Variants in FANCD2OS observed in about 807,000 individuals in gnomAD.
FANCD2OS encodes FANCD2 opposite strand.
FANCD2OS carries 11 observed loss-of-function variants against 13.2 expected under a neutral mutation model. The ratio of observed to expected loss-of-function variants is 0.83; its 90% CI spans 0.52 to 1.38. The LOEUF (loss-of-function observed/expected upper bound fraction) is 1.38, where lower values mean the gene tolerates loss of function less well. Among genes scored for constraint, FANCD2OS ranks in the 40% most tolerant of loss-of-function variants. FANCD2OS has a pLI of 0.00. For missense variants in FANCD2OS, 217 were observed against 213.9 expected (o/e 1.01, Z -0.09); for synonymous variants, 69 against 84.5 (o/e 0.82, Z 1.01).
intron 2 of FANCD2OS, chr3:10,096,602 G>A: frequency 1.2e-6 from 1 of 849,288 alleles, no homozygotes; most frequent in African/African-American, 1.7e-5. Flanking sequence ...GTCTGTGACT[G>A]TTTAACTCTT....
intron 2 of FANCD2OS, chr3:10,088,931 A>G: frequency 6.2e-7 from 1 of 1,613,870 alleles, no homozygotes; most frequent in East Asian, 2.2e-5. Context: ...ATCTTCCTCC[A>G]CATTCCCTAC....
chr3:10,089,117 C>T (rs1021248225), intron 2 of FANCD2OS, among the ~76,000 whole-genome samples: 1 of 151,856 alleles, frequency 6.6e-6, no homozygotes, highest in Admixed American at 6.6e-5. Flanking sequence ...AAACCCTGTC[C>T]CTACTAAAAA....
At chr3:10,089,285 C>CA (rs762191428) in intron 2 of FANCD2OS, among the ~76,000 whole-genome samples, 5,613 of 141,094 alleles carry the variant, frequency 0.04, 122 homozygotes, top group Non-Finnish European at 0.056. Flanking sequence ...AACTCCATCT[C>CA]AAAAAAAAAA....
intron 2 of FANCD2OS, chr3:10,096,508 T>G: frequency 1.2e-6 from 2 of 1,605,294 alleles, no homozygotes; most frequent in Admixed American, 1.7e-5. Flanking sequence ...AATCCCCTAC[T>G]CTTATTCTTT....
chr3:10,087,944 GC>G (rs1281216138), intron 2 of FANCD2OS, among the ~76,000 whole-genome samples: 5 of 152,192 alleles, frequency 3.3e-5, no homozygotes, highest in Non-Finnish European at 7.4e-5. Context: ...ACTGTGCCCA[GC>G]CCTGGCCTCT....
At chr3:10,093,911 A>G (rs1438817415) in intron 2 of FANCD2OS, among the ~76,000 whole-genome samples, 1 of 152,136 alleles carries the variant, frequency 6.6e-6, no homozygotes, top group Non-Finnish European at 1.5e-5. Context: ...GAGAGGAGTC[A>G]TTTATCTGAT....
rs764296912 is a variant in FANCD2OS at position 10,088,407 on chromosome 3, A to C, written c.*44-6876T>G. ...AAACCTGAAAAGCAAGAATGAGGTC[A>C]AGTTCCCATATGTAAGATTCCTTTG... On this transcript the variant is annotated intron_variant, in intron 2 of 2. Transcript: ENST00000524279. 4.2e-6 allele frequency: 5 copies of C among 1,177,772 alleles called. No individual in the cohort carries two copies. In the South Asian group the frequency reaches 4.9e-5, roughly 11 times the overall value. 73.0% of individuals were successfully genotyped at this position (1,177,772 alleles called of 1,614,324 possible).
At chr3:10,103,910 C>T (rs1695396126), downstream of FANCD2OS, 1 of 231,760 alleles carries the variant, frequency 4.3e-6, no homozygotes, top group African/African-American at 2.3e-5. Context: ...CCTTTTCCCC[C>T]CAATTCATTG....
downstream of FANCD2OS, chr3:10,101,910 A>G (rs1695318576): frequency 5.5e-6 from 1 of 183,170 alleles, no homozygotes; most frequent in African/African-American, 2.4e-5. Flanking sequence ...CAATTTTACA[A>G]ATAAATTCTG....
chr3:10,101,041 C>A, downstream of FANCD2OS: 1 of 598,192 alleles, frequency 1.7e-6, no homozygotes, highest in Non-Finnish European at 3.0e-6. Context: ...TGCATTCCAG[C>A]CTGGTGACAG....
intron 2 of FANCD2OS, among the ~76,000 whole-genome samples, chr3:10,092,447 TTTCC>T (rs2125086852): frequency 6.6e-6 from 1 of 151,940 alleles, no homozygotes; most frequent in East Asian, 1.9e-4. Flanking sequence ...TTTTTTGTCT[TTTCC>T]TTCCTTCCTC....
chr3:10,107,893 A>G (rs1159227416), intron 1 of FANCD2OS, 122 bp downstream of exon 1: 1 of 152,222 alleles, frequency 6.6e-6, no homozygotes, highest in Non-Finnish European at 1.5e-5. Flanking sequence ...TTGAACCTAC[A>G]AAGTCTGCTC....
chr3:10,094,151 T>G, intron 2 of FANCD2OS: 1 of 701,494 alleles, frequency 1.4e-6, no homozygotes, highest in Non-Finnish European at 2.5e-6. Context: ...CAAATAAACC[T>G]TTTGGACCCT....
chr3:10,087,086 A>G (rs1393721686), intron 2 of FANCD2OS: 2 of 1,606,440 alleles, frequency 1.2e-6, no homozygotes, highest in Non-Finnish European at 1.7e-6. Context: ...TATATCTGTG[A>G]CACATAGGAT....
chr3:10,095,691 C>A (rs1694912020), intron 2 of FANCD2OS, among the ~76,000 whole-genome samples: 1 of 152,184 alleles, frequency 6.6e-6, no homozygotes, highest in Admixed American at 6.5e-5. Flanking sequence ...CTTATGAGAA[C>A]ATCTTAGCAT....
downstream of FANCD2OS, among the ~76,000 whole-genome samples, chr3:10,100,480 T>G (rs963365169): frequency 1.3e-5 from 2 of 152,194 alleles, no homozygotes; most frequent in Non-Finnish European, 2.9e-5. Flanking sequence ...CAAGCAATTC[T>G]CCTGCCTCAG....
In FANCD2OS at chr3:10,104,663, A is replaced by C. The variant is rs1192122026; in HGVS notation, c.112T>G (p.Cys38Gly). Residue 38 changes from cysteine (C) to glycine (G), a missense_variant, in exon 2 of 2, where the codon TGC (cysteine) becomes GGC (glycine). Coordinates refer to ENST00000450660, the MANE Select transcript of FANCD2OS (RefSeq NM_001164839.2). ...AGGTCGGACGGTGTGTGTGGGAAGCAGGGGGAGGCCTTGAATGGGTGCTTG... is the reference window on the plus strand; with the variant it reads ...AGGTCGGACGGTGTGTGTGGGAAGCCGGGGGAGGCCTTGAATGGGTGCTTG... ...SSKHPFKASP[C>G]FPHTPSDLEV... is the part of the protein sequence containing the mutation. The C allele has an allele frequency of 1.2e-6, 2 of 1,614,146 alleles. No individual in the cohort carries two copies. Among genetic ancestry groups the C allele is most frequent in the Admixed American group, 1.7e-5 (1 of 60,014 alleles).
chr3:10,108,234 C>G lies in FANCD2OS; in HGVS notation c.-228G>C, dbSNP rs984493953. On this transcript the variant is annotated 5_prime_UTR_variant, in exon 1 of 2. Transcript: ENST00000450660. The stretch of plus-strand genomic sequence containing the variant: ...TGGGCCCAGTCCCACCATCCGGGCC[C>G]GGGGCTCACCTGCTGAACTCTGAGG... The G allele has an allele frequency of 6.6e-6, 1 of 152,298 alleles. No individual in the cohort carries two copies. The highest frequency in any genetic ancestry group is 1.5e-5 in the Non-Finnish European group (1 of 68,094). 9.4% of individuals were successfully genotyped at this position (152,298 alleles called of 1,614,324 possible).
At chr3:10,105,812 ATATATATATT>A (rs1334526732) in intron 1 of FANCD2OS, among the ~76,000 whole-genome samples, 2 of 77,160 alleles carry the variant, frequency 2.6e-5, no homozygotes, top group Non-Finnish European at 4.9e-5. Flanking sequence ...ATATATATAT[ATATATATATT>A]TTGAGGTTCG....
Sources: gnomAD v4.1 joint callset for allele counts (sites outside exome capture counted in the v4.1 genomes callset) on GRCh38, gnomAD v4.1.1 for gene constraint, MANE v1.5 for transcripts, NCBI Gene and HGNC (gene_info 2026-07-23, HGNC 2026-07-21) for gene names.